CALN1: variants seen among roughly 807,000 people sequenced by gnomAD.
The protein encoded by CALN1 is calneuron 1.
A neutral mutation model predicts 30.6 loss-of-function variants in CALN1; 17 were observed. The ratio of observed to expected loss-of-function variants is 0.56; its 90% CI spans 0.38 to 0.83. CALN1 has a LOEUF of 0.83. Among genes scored for constraint, CALN1 ranks in the 40% least tolerant of loss-of-function variants. The pLI is 0.00. For synonymous variants in CALN1, 156 were observed against 131.4 expected, an observed-to-expected ratio of 1.19 and a Z score of -1.28; for missense variants, 291 against 354.9, an observed-to-expected ratio of 0.82 and a Z score of 1.45.
intron 4 of CALN1, among the ~76,000 whole-genome samples, chr7:72,041,470 G>C (rs1243872714): frequency 6.6e-6 from 1 of 152,036 alleles, no homozygotes; most frequent in Non-Finnish European, 1.5e-5. Context: ...TGCACCCTCT[G>C]CCTCCTGGGT....
intron 2 of CALN1, among the ~76,000 whole-genome samples, chr7:72,327,120 C>G (rs753199961): frequency 6.6e-6 from 1 of 152,218 alleles, no homozygotes; most frequent in Non-Finnish European, 1.5e-5. Flanking sequence ...CAAGCCCAGT[C>G]TGTAGGATGA....
At chr7:72,053,008 T>A (rs1802937754) in intron 4 of CALN1, among the ~76,000 whole-genome samples, 1 of 152,082 alleles carries the variant, frequency 6.6e-6, no homozygotes, top group Non-Finnish European at 1.5e-5. Context: ...GGAGGGAGGA[T>A]CACCTGAGGA....
intron 3 of CALN1, among the ~76,000 whole-genome samples, chr7:72,235,093 C>T (rs1027318118): frequency 3.3e-5 from 5 of 151,820 alleles, no homozygotes; most frequent in South Asian, 2.1e-4. Context: ...AGCAATATAG[C>T]GAGACTCTGT....
chr7:72,078,905 G>A (rs185960364), intron 4 of CALN1, among the ~76,000 whole-genome samples: 2 of 152,128 alleles, frequency 1.3e-5, no homozygotes, highest in Non-Finnish European at 2.9e-5. Flanking sequence ...CTACAGCCTG[G>A]GTGATAGAGT....
intron 5 of CALN1, among the ~76,000 whole-genome samples, chr7:71,843,448 A>G (rs1790056692): frequency 6.6e-6 from 1 of 152,056 alleles, no homozygotes; most frequent in Non-Finnish European, 1.5e-5. Flanking sequence ...GTGAGACCCT[A>G]TCTCTAAAAA....
chr7:71,821,451 G>T (rs551891275), intron 5 of CALN1, among the ~76,000 whole-genome samples: 153 of 152,110 alleles, frequency 1.0e-3, no homozygotes, highest in African/African-American at 3.5e-3. Context: ...ATGGCAGCGG[G>T]CAAAAAAGAA....
rs189028606 is a variant in CALN1 at position 72,355,113 on chromosome 7, G to A, written c.119+48138C>T. On this transcript the variant is annotated intron_variant, in intron 2 of 6. Transcript: ENST00000395275. ...TTATAGAGACAGACTCTCAGCATTT[G>A]CCCAGGCTGGTCTCAAACTCCCATG... Among the ~76,000 whole-genome samples the A allele has an allele frequency of 3.9e-5, 6 of 151,998 alleles. No individual in the cohort carries two copies. In the East Asian group the frequency reaches 7.8e-4, roughly 20 times the overall value.
chr7:72,143,302 C>A, intron 3 of CALN1, among the ~76,000 whole-genome samples: 1 of 152,174 alleles, frequency 6.6e-6, no homozygotes, highest in East Asian at 1.9e-4. Context: ...AGCTGAAAAC[C>A]ATGGCACGAG....
At chr7:72,023,623 C>CA in intron 5 of CALN1, 34 bp downstream of exon 5, 1 of 1,537,482 alleles carries the variant, frequency 6.5e-7, no homozygotes, top group Non-Finnish European at 9.0e-7. Flanking sequence ...CATTTACTGT[C>CA]AAACTTAGTC....
At chr7:72,194,861 A>AT (rs780987379) in intron 3 of CALN1, among the ~76,000 whole-genome samples, 7 of 152,072 alleles carry the variant, frequency 4.6e-5, no homozygotes, top group Non-Finnish European at 1.0e-4. Flanking sequence ...AAGTACTGGG[A>AT]TTACAGGTGT....
At chr7:71,877,429 C>T (rs568144336) in intron 5 of CALN1, among the ~76,000 whole-genome samples, 1 of 151,912 alleles carries the variant, frequency 6.6e-6, no homozygotes, top group African/African-American at 2.4e-5. Context: ...AATGTCACTG[C>T]AAAAAATTAC....
At chr7:72,304,417 G>A (rs1243454231) in intron 2 of CALN1, among the ~76,000 whole-genome samples, 1 of 152,050 alleles carries the variant, frequency 6.6e-6, no homozygotes, top group Non-Finnish European at 1.5e-5. Flanking sequence ...CCAGGAAGGG[G>A]GGATTGCCTG....
intron 5 of CALN1, among the ~76,000 whole-genome samples, chr7:71,861,777 C>CAAAAAAAAA (rs35793572): frequency 1.3e-5 from 1 of 74,710 alleles, no homozygotes; most frequent in Non-Finnish European, 2.4e-5. Context: ...CAACTCTATC[C>CAAAAAAAAA]AAAAAAAAAA....
At chr7:71,980,991 G>A (rs1798365329) in intron 5 of CALN1, among the ~76,000 whole-genome samples, 1 of 152,048 alleles carries the variant, frequency 6.6e-6, no homozygotes, top group Non-Finnish European at 1.5e-5. Flanking sequence ...GAAGGCCACA[G>A]GAAGCAGAAA....
At chr7:72,130,447 A>G (rs1025988642) in intron 3 of CALN1, among the ~76,000 whole-genome samples, 4 of 152,130 alleles carry the variant, frequency 2.6e-5, no homozygotes, top group African/African-American at 9.7e-5. Context: ...TGCTTGTTAG[A>G]TGGGTCGGTG....
chr7:71,832,626 A>C (rs1789357145), intron 5 of CALN1, among the ~76,000 whole-genome samples: 1 of 152,098 alleles, frequency 6.6e-6, no homozygotes, highest in Admixed American at 6.6e-5. Context: ...TTTTTGAGAC[A>C]GTCTTGCTCT....
chr7:72,121,037 G>A (rs1353102452), intron 3 of CALN1, among the ~76,000 whole-genome samples: 9 of 149,044 alleles, frequency 6.0e-5, no homozygotes, highest in South Asian at 4.2e-4. Flanking sequence ...GGGGTGGAAC[G>A]CTTTATATTA....
At chr7:71,874,941 G>C (rs1792153467) in intron 5 of CALN1, among the ~76,000 whole-genome samples, 3 of 152,166 alleles carry the variant, frequency 2.0e-5, no homozygotes, top group African/African-American at 4.8e-5. Flanking sequence ...GAGGTGGGCG[G>C]ATCACTTGAG....
chr7:72,340,110 A>C (rs900922947), intron 2 of CALN1, among the ~76,000 whole-genome samples: 4 of 152,198 alleles, frequency 2.6e-5, no homozygotes, highest in Admixed American at 6.5e-5. Context: ...TCTTGTTCTA[A>C]ATTTCTTCCT....
Sources: gnomAD v4.1 joint callset for allele counts (sites outside exome capture counted in the v4.1 genomes callset) on GRCh38, gnomAD v4.1.1 for gene constraint, MANE v1.5 for transcripts, NCBI Gene and HGNC (gene_info 2026-07-23, HGNC 2026-07-21) for gene names.